The following MAPK4 variants were observed in gnomAD, a reference collection of about 807,000 sequenced individuals.
The protein encoded by MAPK4 is Erk3-related.
Under a neutral mutation model 47.7 loss-of-function variants are expected in MAPK4, and 22 were observed. The observed-to-expected ratio is 0.46, with a 90% CI of 0.33 to 0.66. The LOEUF is 0.66. MAPK4 is among the 30% of genes least tolerant of loss of function. The pLI is 0.02. For synonymous variants in MAPK4, 390 were observed against 365.7 expected, an observed-to-expected ratio of 1.07 and a Z score of -0.76; for missense variants, 736 against 831.7, an observed-to-expected ratio of 0.88 and a Z score of 1.42.
chr18:50,703,389 T>C (rs146333320), intron 2 of MAPK4, among the ~76,000 whole-genome samples: 109 of 152,350 alleles, frequency 7.2e-4, no homozygotes, highest in African/African-American at 2.0e-3. Context: ...CTGGCATTTC[T>C]AATGGCTTTT....
intron 2 of MAPK4, among the ~76,000 whole-genome samples, chr18:50,684,045 C>T (rs1337690174): frequency 1.3e-5 from 2 of 152,146 alleles, no homozygotes; most frequent in Non-Finnish European, 2.9e-5. Flanking sequence ...CGGAGACCTC[C>T]TGAGCCAGAG....
In MAPK4 at chr18:50,703,541, A is replaced by T. The variant is rs193110632; in HGVS notation, c.547-11538A>T. Among the ~76,000 whole-genome samples the T allele has an allele frequency of 8.7e-4, 133 of 152,280 alleles. 1 individual carries two copies. Among genetic ancestry groups the T allele is most frequent in the Non-Finnish European group, 1.6e-3 (108 of 68,024 alleles). ...CACAGAGCATTCAGCAGGCGCCATA[A>T]TATTAGTCTTGCTAACAGAAGACAG... On this transcript the variant is annotated intron_variant, in intron 2 of 5. Coordinates refer to ENST00000400384, the MANE Select transcript of MAPK4 (RefSeq NM_002747.4).
At chr18:50,675,779 C>A (rs1908233390) in intron 2 of MAPK4, among the ~76,000 whole-genome samples, 1 of 152,150 alleles carries the variant, frequency 6.6e-6, no homozygotes, top group Admixed American at 6.5e-5. Context: ...TGTGAGCCAC[C>A]ACGCCCAGCC....
Position 50,664,142 on chromosome 18 carries a change from G to T in MAPK4, c.184G>T (p.Ala62Ser). ...ALSDARSMKH[A>S]LREIKIIRRL... is the part of the protein sequence containing the mutation. ...GAGCGATGCCCGCAGCATGAAGCAC[G>T]CGCTCCGAGAGATCAAGATCATTCG... The change falls in exon 2 of 6, where the codon GCG becomes TCG. Residue 62 changes from alanine (A) to serine (S), a missense_variant. Around this residue, in one of 3 missense-constraint regions of MAPK4, gnomAD observed 327 missense variants for 395.4 expected, o/e 0.83. Coordinates refer to ENST00000400384, the MANE Select transcript of MAPK4 (RefSeq NM_002747.4). The surrounding 1 kb of genome is among the most constrained non-coding windows in gnomAD (Gnocchi z 6.0). 1 of 1,614,132 alleles carries T rather than the reference G, an allele frequency of 6.2e-7. No individual in the cohort carries two copies. Among genetic ancestry groups the T allele is most frequent in the South Asian group, 1.1e-5 (1 of 91,074 alleles).
intron 1 of MAPK4, among the ~76,000 whole-genome samples, chr18:50,583,140 C>A (rs2042360470): frequency 6.6e-6 from 1 of 152,172 alleles, no homozygotes; most frequent in African/African-American, 2.4e-5. Flanking sequence ...AGAAGGAAAG[C>A]TCTCAACTGA....
In MAPK4 at chr18:50,729,343, G is replaced by A. The variant is rs1359730408; in HGVS notation, c.1253G>A (p.Arg418His). 1.3e-6 allele frequency: 2 copies of A among 1,587,228 alleles called. No individual in the cohort carries two copies. The highest frequency in any genetic ancestry group is 8.6e-7 in the Non-Finnish European group (1 of 1,166,974). The change falls in exon 6 of 6, where the codon CGC (arginine) becomes CAC (histidine). Residue 418 changes from arginine (R) to histidine (H), a missense_variant. By Grantham distance (29) the Arg-to-His change is conservative. Around this residue, in one of 3 missense-constraint regions of MAPK4, gnomAD observed 377 missense variants for 378.6 expected, o/e 1.00. Coordinates refer to ENST00000400384, the MANE Select transcript of MAPK4 (RefSeq NM_002747.4). ...FLEQSHSSMERAFEADYGRSC... is the reference protein window; with the variant it reads ...FLEQSHSSMEHAFEADYGRSC... ...GAGCAGTCGCACTCGTCCATGGAGC[G>A]CGCCTTCGAGGCCGACTACGGGCGC...
intron 2 of MAPK4, among the ~76,000 whole-genome samples, chr18:50,710,807 A>C (rs991772828): frequency 2.0e-5 from 3 of 151,854 alleles, no homozygotes; most frequent in African/African-American, 7.3e-5. Flanking sequence ...AAATAAATAA[A>C]TAAATAAATA....
intron 2 of MAPK4, among the ~76,000 whole-genome samples, chr18:50,708,975 T>C (rs570046486): frequency 1.3e-5 from 2 of 152,326 alleles, no homozygotes; most frequent in South Asian, 2.1e-4. Flanking sequence ...GCTCAATAAA[T>C]GTTAGCTGGT....
At chr18:50,693,714 C>T (rs1217126600) in intron 2 of MAPK4, among the ~76,000 whole-genome samples, 12 of 152,130 alleles carry the variant, frequency 7.9e-5, no homozygotes, top group Admixed American at 2.0e-4. Flanking sequence ...TTTGTTTCCA[C>T]GTGTTTGCTT....
chr18:50,604,477 T>TATA (rs1233452530), intron 1 of MAPK4, among the ~76,000 whole-genome samples: 4 of 152,330 alleles, frequency 2.6e-5, no homozygotes, highest in Admixed American at 2.0e-4. Flanking sequence ...ATCCATGAGG[T>TATA]ATAAGCTTGC....
At chr18:50,578,368 G>T (rs1020729354) in intron 1 of MAPK4, among the ~76,000 whole-genome samples, 12 of 152,206 alleles carry the variant, frequency 7.9e-5, no homozygotes, top group Non-Finnish European at 1.5e-4. Context: ...ACTACAGATT[G>T]CTGGGGCAAC....
At chr18:50,700,015 G>A (rs1909702143) in intron 2 of MAPK4, among the ~76,000 whole-genome samples, 1 of 152,178 alleles carries the variant, frequency 6.6e-6, no homozygotes, top group Non-Finnish European at 1.5e-5. Context: ...GGGGAGGGTA[G>A]GAGTTAGGTT....
chr18:50,615,877 C>A (rs1280864138), intron 1 of MAPK4, among the ~76,000 whole-genome samples: 2 of 152,338 alleles, frequency 1.3e-5, no homozygotes, highest in East Asian at 3.9e-4. Flanking sequence ...GTCCCTAACT[C>A]TTTCAAGATA....
chr18:50,594,282 C>CCTCT (rs759934128), intron 1 of MAPK4, among the ~76,000 whole-genome samples: 1 of 152,184 alleles, frequency 6.6e-6, no homozygotes, highest in Non-Finnish European at 1.5e-5. Flanking sequence ...ATGTCAGTCT[C>CCTCT]CTCTGGCAAC....
intron 1 of MAPK4, among the ~76,000 whole-genome samples, chr18:50,608,875 C>A (rs1045006286): frequency 6.6e-6 from 1 of 152,014 alleles, no homozygotes; most frequent in Non-Finnish European, 1.5e-5. Flanking sequence ...TGTGGCCTTC[C>A]GCAGTGTTTG....
intron 1 of MAPK4, among the ~76,000 whole-genome samples, chr18:50,640,712 C>T (rs1378168846): frequency 1.3e-5 from 2 of 152,170 alleles, no homozygotes; most frequent in African/African-American, 4.8e-5. Context: ...GTGATCCACC[C>T]GCCTTGGCCT....
intron 1 of MAPK4, among the ~76,000 whole-genome samples, chr18:50,622,946 C>G (rs2042745516): frequency 6.6e-6 from 1 of 152,236 alleles, no homozygotes; most frequent in Admixed American, 6.5e-5. Flanking sequence ...TTCACATACT[C>G]TTTCCAAAAG....
intron 1 of MAPK4, among the ~76,000 whole-genome samples, chr18:50,622,089 G>A (rs1347934708): frequency 1.3e-5 from 2 of 152,198 alleles, no homozygotes; most frequent in Admixed American, 1.3e-4. Flanking sequence ...GCAGGATGTA[G>A]GGCAACCATT....
chr18:50,591,616 C>A (rs996774245), intron 1 of MAPK4, among the ~76,000 whole-genome samples: 7 of 151,442 alleles, frequency 4.6e-5, no homozygotes, highest in African/African-American at 1.7e-4. Context: ...AAAATGTTTT[C>A]TTTGCAGTGT....
Sources: gnomAD v4.1 joint callset for allele counts (sites outside exome capture counted in the v4.1 genomes callset) on GRCh38, gnomAD v4.1.1 for gene constraint, gnomAD v4.1.1 regional missense constraint, Gnocchi (gnomAD v3.1) non-coding constraint, MANE v1.5 for transcripts, NCBI Gene and HGNC (gene_info 2026-07-23, HGNC 2026-07-21) for gene names.